The following OPCML variants were observed in gnomAD, a reference collection of about 807,000 sequenced individuals.
The protein encoded by OPCML is opioid-binding protein/cell adhesion molecule.
A neutral mutation model predicts 37.8 loss-of-function variants in OPCML; 13 were observed. That is an observed-to-expected ratio of 0.34 (90% CI 0.22 to 0.55). The LOEUF is 0.55. Among genes scored for constraint, OPCML ranks in the 20% least tolerant of loss-of-function variants. OPCML has a pLI of 0.91. For synonymous variants in OPCML, 176 were observed against 168.8 expected (o/e 1.04, Z -0.33); for missense variants, 341 against 435.6 (o/e 0.78, Z 1.93).
chr11:132,659,449 C>T (rs1941856376), intron 2 of OPCML, among the ~76,000 whole-genome samples: 1 of 152,140 alleles, frequency 6.6e-6, no homozygotes, highest in Non-Finnish European at 1.5e-5. Flanking sequence ...AATCAGCACA[C>T]CTGGAATTAG....
intron 2 of OPCML, among the ~76,000 whole-genome samples, chr11:132,903,162 T>C (rs945378448): frequency 5.3e-5 from 8 of 152,178 alleles, no homozygotes; most frequent in African/African-American, 1.9e-4. Flanking sequence ...TGTTGATAAA[T>C]TTGTTATGGC....
chr11:132,482,389 A>C (rs1285594849), intron 4 of OPCML, among the ~76,000 whole-genome samples: 2 of 151,910 alleles, frequency 1.3e-5, no homozygotes, highest in East Asian at 3.9e-4. Flanking sequence ...GAATCTCAGA[A>C]TAGACCAATA....
intron 4 of OPCML, among the ~76,000 whole-genome samples, chr11:132,445,902 T>C (rs529997102): frequency 2.8e-4 from 42 of 152,166 alleles, no homozygotes; most frequent in African/African-American, 8.0e-4. Context: ...CTATGAAAAA[T>C]ATACCATCAT....
At chr11:133,024,911 A>G (rs555456767) in intron 1 of OPCML, 2 of 985,426 alleles carry the variant, frequency 2.0e-6, no homozygotes, top group South Asian at 9.4e-5. Context: ...TATCTACAGC[A>G]TACAAATTTG....
chr11:133,099,181 A>T (rs1258642727), intron 1 of OPCML, among the ~76,000 whole-genome samples: 1 of 152,188 alleles, frequency 6.6e-6, no homozygotes, highest in Non-Finnish European at 1.5e-5. Context: ...TCAAAGAAAA[A>T]CTAAATAAAT....
intron 1 of OPCML, among the ~76,000 whole-genome samples, chr11:133,082,284 C>A (rs1436012484): frequency 9.2e-5 from 14 of 151,610 alleles, no homozygotes; most frequent in Admixed American, 6.6e-4. Context: ...AGTCTTGGGG[C>A]CTTGGGTAGG....
intron 2 of OPCML, among the ~76,000 whole-genome samples, chr11:132,917,826 T>C (rs529792768): frequency 6.6e-6 from 1 of 152,156 alleles, no homozygotes; most frequent in Non-Finnish European, 1.5e-5. Flanking sequence ...ATTAATGTAA[T>C]TGGAGGGCCT....
At chr11:132,428,957 G>A (rs978788167) in intron 7 of OPCML, among the ~76,000 whole-genome samples, 4 of 152,018 alleles carry the variant, frequency 2.6e-5, no homozygotes, top group Admixed American at 2.6e-4. Context: ...GTTTCTCCTG[G>A]TACTTTAGTC....
intron 2 of OPCML, among the ~76,000 whole-genome samples, chr11:132,926,817 GAAAT>G (rs747801684): frequency 1.0e-4 from 15 of 150,698 alleles, no homozygotes; most frequent in Non-Finnish European, 1.8e-4. Flanking sequence ...AAAAACATAA[GAAAT>G]AATAAAAAGT....
At chr11:133,330,209 G>A (rs1023995333) in intron 1 of OPCML, among the ~76,000 whole-genome samples, 1 of 152,216 alleles carries the variant, frequency 6.6e-6, no homozygotes, top group South Asian at 2.1e-4. Context: ...AGGATGTGGA[G>A]AAATAGGAAC....
chr11:133,207,493 A>G lies in OPCML; in HGVS notation c.62-264483T>C, dbSNP rs189232379. Among the ~76,000 whole-genome samples the G allele has an allele frequency of 8.2e-4, 125 of 152,200 alleles. No homozygotes were observed. The Middle Eastern group carries it at 0.01, about 12-fold the overall frequency. ...TTTAAACTGTCATACCGTGATTCTA[A>G]TTTCAGATCTGCCTGTAGCTCTGCG... On this transcript the variant is annotated intron_variant, in intron 1 of 7. Coordinates refer to ENST00000524381, the MANE Select transcript of OPCML (RefSeq NM_001012393.5).
chr11:132,652,862 G>A (rs145207577), intron 3 of OPCML, among the ~76,000 whole-genome samples: 10 of 152,268 alleles, frequency 6.6e-5, no homozygotes, highest in African/African-American at 2.4e-4. Context: ...GTGTTCCTAT[G>A]CCACTCCAGT....
At chr11:133,073,714 C>G (rs191127493) in intron 1 of OPCML, among the ~76,000 whole-genome samples, 16 of 152,320 alleles carry the variant, frequency 1.1e-4, no homozygotes, top group Admixed American at 6.5e-4. Flanking sequence ...GAAATATCTG[C>G]TGGTCTTGAC....
intron 3 of OPCML, among the ~76,000 whole-genome samples, chr11:132,622,144 A>G (rs757808635): frequency 2.5e-4 from 38 of 151,472 alleles, no homozygotes; most frequent in Non-Finnish European, 4.3e-4. Flanking sequence ...GATGAGAATA[A>G]TAAAAAAAAA....
intron 1 of OPCML, among the ~76,000 whole-genome samples, chr11:133,020,210 T>G (rs921908254): frequency 2.2e-4 from 34 of 152,302 alleles, no homozygotes; most frequent in African/African-American, 8.2e-4. Flanking sequence ...TAAATATACG[T>G]AGAAAGACAG....
chr11:132,852,620 A>AG (rs917796511), intron 2 of OPCML, among the ~76,000 whole-genome samples: 1 of 152,110 alleles, frequency 6.6e-6, no homozygotes, highest in South Asian at 2.1e-4. Context: ...AGAAAAAAAA[A>AG]AGAGAGAGAG....
At chr11:132,815,492 T>C (rs1312318522) in intron 2 of OPCML, among the ~76,000 whole-genome samples, 1 of 152,192 alleles carries the variant, frequency 6.6e-6, no homozygotes, top group Admixed American at 6.5e-5. Context: ...AGCAAAGGAA[T>C]TTAAGGTCTG....
intron 1 of OPCML, among the ~76,000 whole-genome samples, chr11:133,341,498 G>T (rs1211241502): frequency 6.6e-6 from 1 of 152,176 alleles, no homozygotes; most frequent in Non-Finnish European, 1.5e-5. Context: ...ATGAAGTCAA[G>T]GTGAAAACAC....
intron 2 of OPCML, among the ~76,000 whole-genome samples, chr11:132,791,715 C>A (rs1937921204): frequency 6.6e-6 from 1 of 152,100 alleles, no homozygotes; most frequent in African/African-American, 2.4e-5. Context: ...GCACAGCTTC[C>A]CCCCAAAACC....
Sources: allele counts gnomAD v4.1 joint callset (sites outside exome capture counted in the v4.1 genomes callset), GRCh38; gene constraint gnomAD v4.1.1; transcripts MANE v1.5; gene names NCBI Gene and HGNC (gene_info 2026-07-23, HGNC 2026-07-21).